Variants in RNGTT observed in about 807,000 individuals in gnomAD.
The protein encoded by RNGTT is RNA guanylyltransferase and 5'-phosphatase.
RNGTT carries 33 observed loss-of-function variants against 79.3 expected under a neutral mutation model. That is an observed-to-expected ratio of 0.42 (90% CI 0.32 to 0.56). The LOEUF (loss-of-function observed/expected upper bound fraction) is 0.56. Among genes scored for constraint, RNGTT ranks in the 20% least tolerant of loss-of-function variants. The probability of loss-of-function intolerance (pLI) is 0.17; values close to 1 mark genes in which losing one functional copy is unlikely to be tolerated. For synonymous variants in RNGTT, 222 were observed against 235.9 expected, an observed-to-expected ratio of 0.94 and a Z score of 0.54; for missense variants, 497 against 739.1, an observed-to-expected ratio of 0.67 and a Z score of 3.80.
chr6:88,651,761 T>G (rs1337054925), intron 14 of RNGTT, among the ~76,000 whole-genome samples: 1 of 152,044 alleles, frequency 6.6e-6, no homozygotes, highest in Non-Finnish European at 1.5e-5. Context: ...CCCCAAATTT[T>G]TATTTTAAAC....
chr6:88,844,084 T>C (rs1392710315), intron 11 of RNGTT, among the ~76,000 whole-genome samples: 1 of 152,040 alleles, frequency 6.6e-6, no homozygotes, highest in Admixed American at 6.6e-5. Flanking sequence ...GCTTATAGCT[T>C]TTTAAAAAAC....
At chr6:88,634,713 C>G (rs990990749) in intron 14 of RNGTT, among the ~76,000 whole-genome samples, 12 of 151,234 alleles carry the variant, frequency 7.9e-5, no homozygotes, top group Non-Finnish European at 1.5e-4. Context: ...AGTACTACAA[C>G]GAAAGAATCT....
chr6:88,705,368 A>AT, intron 13 of RNGTT, among the ~76,000 whole-genome samples: 1 of 152,288 alleles, frequency 6.6e-6, no homozygotes, highest in African/African-American at 2.4e-5. Flanking sequence ...TGTAATACAG[A>AT]TTTTTTAGTG....
At chr6:88,785,467 G>C (rs1779198534) in intron 12 of RNGTT, among the ~76,000 whole-genome samples, 1 of 151,684 alleles carries the variant, frequency 6.6e-6, no homozygotes, top group Admixed American at 6.6e-5. Context: ...AGAATATTTT[G>C]CTGTGCTCTA....
intron 6 of RNGTT, among the ~76,000 whole-genome samples, chr6:88,902,029 TA>T (rs1254185903): frequency 2.0e-5 from 3 of 151,810 alleles, no homozygotes; most frequent in Admixed American, 1.3e-4. Flanking sequence ...AATAGCTGTA[TA>T]AAAATGCCAT....
At chr6:88,670,794 C>G (rs1020419653) in intron 14 of RNGTT, among the ~76,000 whole-genome samples, 16 of 152,156 alleles carry the variant, frequency 1.1e-4, no homozygotes, top group African/African-American at 3.6e-4. Context: ...TTCACGTGGA[C>G]CCCTCAGAGT....
intron 13 of RNGTT, among the ~76,000 whole-genome samples, chr6:88,710,626 A>T (rs551441829): frequency 1.3e-5 from 2 of 152,306 alleles, no homozygotes; most frequent in Non-Finnish European, 2.9e-5. Flanking sequence ...AGTTCTAGAA[A>T]GCAAATGATC....
chr6:88,710,006 T>C (rs1776265820), intron 13 of RNGTT, among the ~76,000 whole-genome samples: 1 of 152,222 alleles, frequency 6.6e-6, no homozygotes, highest in Non-Finnish European at 1.5e-5. Flanking sequence ...CTTTGAAAGA[T>C]TTTGTTTTTC....
chr6:88,933,420 A>C (rs923480342), intron 2 of RNGTT, among the ~76,000 whole-genome samples: 2 of 152,010 alleles, frequency 1.3e-5, no homozygotes, highest in Admixed American at 1.3e-4. Context: ...CCTCCTGCCC[A>C]CACACCCTTC....
intron 8 of RNGTT, among the ~76,000 whole-genome samples, chr6:88,877,361 G>T (rs888245332): frequency 6.6e-6 from 1 of 152,152 alleles, no homozygotes; most frequent in African/African-American, 2.4e-5. Flanking sequence ...TTGGGTCACT[G>T]ATTTTTAAAT....
chr6:88,747,738 T>A (rs1190214544), intron 13 of RNGTT, among the ~76,000 whole-genome samples: 1 of 152,206 alleles, frequency 6.6e-6, no homozygotes, highest in Non-Finnish European at 1.5e-5. Context: ...CTGTTTTCAA[T>A]CTTATCTAAA....
intron 11 of RNGTT, among the ~76,000 whole-genome samples, chr6:88,813,774 TTA>T (rs933499435): frequency 1.3e-5 from 2 of 152,172 alleles, no homozygotes; most frequent in African/African-American, 4.8e-5. Flanking sequence ...CTAGTCTAGG[TTA>T]TATGCTCCTT....
At chr6:88,637,193 A>G (rs1479689661) in intron 14 of RNGTT, among the ~76,000 whole-genome samples, 2 of 152,028 alleles carry the variant, frequency 1.3e-5, no homozygotes, top group Admixed American at 6.6e-5. Context: ...AAGTATGATG[A>G]TATATCACAT....
intron 13 of RNGTT, among the ~76,000 whole-genome samples, chr6:88,719,150 G>A (rs2127812013): frequency 6.6e-6 from 1 of 152,222 alleles, no homozygotes; most frequent in Non-Finnish European, 1.5e-5. Flanking sequence ...GCCTTAGAGA[G>A]GTCATCATGG....
chr6:88,898,703 C>T (rs572886071), intron 6 of RNGTT, among the ~76,000 whole-genome samples: 1 of 148,284 alleles, frequency 6.7e-6, no homozygotes, highest in South Asian at 2.1e-4. Context: ...TATGTATCTC[C>T]CCAGTATATA....
intron 12 of RNGTT, among the ~76,000 whole-genome samples, chr6:88,773,110 C>T (rs1409518257): frequency 2.0e-4 from 29 of 147,236 alleles, no homozygotes; most frequent in African/African-American, 6.3e-4. Flanking sequence ...GAAAATGTGG[C>T]ACATATACAC....
chr6:88,676,399 A>G (rs1774877482), intron 14 of RNGTT, among the ~76,000 whole-genome samples: 1 of 152,232 alleles, frequency 6.6e-6, no homozygotes, highest in South Asian at 2.1e-4. Context: ...AAAAAAGAAC[A>G]TCAATCCATA....
At chr6:88,914,666 G>A (rs903132533) in intron 4 of RNGTT, among the ~76,000 whole-genome samples, 1 of 152,056 alleles carries the variant, frequency 6.6e-6, no homozygotes, top group Admixed American at 6.6e-5. Context: ...TTAAATGTAA[G>A]ACTGCAAACT....
Position 88,853,500 on chromosome 6 carries a change from G to A in RNGTT, c.1032+129C>T, listed in dbSNP as rs191114707. ...AGCCTGGGCGACAGAGCGAGACTCC[G>A]TCTCAAAAAAAAAAAAAAAAAAGTT... On this transcript the variant is annotated intron_variant, in intron 9 of 15. Coordinates refer to ENST00000369485, the MANE Select transcript of RNGTT (RefSeq NM_003800.5). 5.8e-3 allele frequency: 3,710 copies of A among 642,284 alleles called. 127 individuals are homozygous for A. The African/African-American group carries it at 0.069, about 12-fold the overall frequency. The allele number at this position is 642,284 out of a possible 1,614,324, so 39.8% of individuals were successfully genotyped here. A position where few individuals can be genotyped will look rare whatever the true frequency, so the allele number is the denominator to read the frequency against.
Sources: gnomAD v4.1 joint callset for allele counts (sites outside exome capture counted in the v4.1 genomes callset) on GRCh38, gnomAD v4.1.1 for gene constraint, MANE v1.5 for transcripts, NCBI Gene and HGNC (gene_info 2026-07-23, HGNC 2026-07-21) for gene names.